Variants in GPC5 observed in about 807,000 individuals in gnomAD.
GPC5 encodes glypican-5.
Under a neutral mutation model 53.9 loss-of-function variants are expected in GPC5, and 47 were observed. That is an observed-to-expected ratio of 0.87 (90% CI 0.69 to 1.11). The LOEUF (loss-of-function observed/expected upper bound fraction) is 1.11, where lower values mean the gene tolerates loss of function less well. GPC5 is among the 50% of genes most tolerant of loss of function. GPC5 has a pLI of 0.00. For synonymous variants in GPC5, 286 were observed against 263.3 expected, an observed-to-expected ratio of 1.09 and a Z score of -0.84; for missense variants, 748 against 713.1, an observed-to-expected ratio of 1.05 and a Z score of -0.56.
intron 7 of GPC5, among the ~76,000 whole-genome samples, chr13:92,409,863 T>A (rs1875965303): frequency 1.3e-5 from 2 of 152,296 alleles, no homozygotes; most frequent in Non-Finnish European, 1.5e-5. Flanking sequence ...GCCACAGAGC[T>A]TTAAATACTG....
At chr13:92,487,138 C>T (rs1041483645) in intron 7 of GPC5, among the ~76,000 whole-genome samples, 1 of 152,014 alleles carries the variant, frequency 6.6e-6, no homozygotes, top group South Asian at 2.1e-4. Flanking sequence ...TTACAGGGGC[C>T]GTGCCCAGCC....
chr13:91,607,809 A>C (rs991743717), intron 2 of GPC5, among the ~76,000 whole-genome samples: 4 of 152,216 alleles, frequency 2.6e-5, no homozygotes, highest in Admixed American at 6.5e-5. Flanking sequence ...TACTAAAAGC[A>C]TGTAATAAAT....
At chr13:92,304,980 G>C (rs578138798) in intron 7 of GPC5, among the ~76,000 whole-genome samples, 1 of 152,088 alleles carries the variant, frequency 6.6e-6, no homozygotes, top group Non-Finnish European at 1.5e-5. Context: ...AGATGAGATC[G>C]GGTGCGTTCA....
chr13:91,711,566 C>T (rs933080025), intron 3 of GPC5, among the ~76,000 whole-genome samples: 8 of 152,126 alleles, frequency 5.3e-5, no homozygotes, highest in Non-Finnish European at 1.2e-4. Flanking sequence ...ATCAAACCTG[C>T]ACGTTGTGCA....
At chr13:92,553,476 A>G (rs1287059725) in intron 7 of GPC5, among the ~76,000 whole-genome samples, 3 of 152,004 alleles carry the variant, frequency 2.0e-5, no homozygotes, top group African/African-American at 7.2e-5. Context: ...TGTAGACATT[A>G]TGATACAAAT....
intron 7 of GPC5, among the ~76,000 whole-genome samples, chr13:92,217,123 C>T (rs1027942673): frequency 1.3e-5 from 2 of 152,128 alleles, no homozygotes; most frequent in African/African-American, 4.8e-5. Context: ...TGGCTTGTGC[C>T]TCAGGGTATG....
chr13:91,696,753 C>T (rs1184589213), intron 3 of GPC5, among the ~76,000 whole-genome samples: 3 of 151,964 alleles, frequency 2.0e-5, no homozygotes, highest in African/African-American at 7.3e-5. Flanking sequence ...TCATAAGTAC[C>T]TTATATTTGG....
chr13:91,618,673 C>T (rs1004924452), intron 2 of GPC5, among the ~76,000 whole-genome samples: 1 of 151,628 alleles, frequency 6.6e-6, no homozygotes, highest in South Asian at 2.1e-4. Flanking sequence ...TTTATCAGCT[C>T]ACAGTATTTT....
At chr13:92,838,196 C>A (rs1282056206) in intron 7 of GPC5, among the ~76,000 whole-genome samples, 1 of 151,478 alleles carries the variant, frequency 6.6e-6, no homozygotes, top group Non-Finnish European at 1.5e-5. Flanking sequence ...TGAAAGTAAA[C>A]CTACTCGGCC....
At chr13:91,922,061 A>T (rs1449328786) in intron 6 of GPC5, among the ~76,000 whole-genome samples, 2 of 152,100 alleles carry the variant, frequency 1.3e-5, no homozygotes, top group Non-Finnish European at 2.9e-5. Flanking sequence ...AAAACAGAAA[A>T]TCAATAAGCA....
intron 6 of GPC5, among the ~76,000 whole-genome samples, chr13:92,051,695 A>T (rs1336641969): frequency 6.6e-6 from 1 of 152,216 alleles, no homozygotes; most frequent in East Asian, 1.9e-4. Context: ...TTAGAGTGGA[A>T]ATCTACTTCA....
At position 91,945,721 on chromosome 13, in the gene GPC5, G is replaced by A. The variant is rs557409950; in HGVS notation, c.1401+37664G>A. 3.6e-4 allele frequency among the ~76,000 whole-genome samples: 55 copies of A among 152,128 alleles called. 1 individual carries two copies. Among genetic ancestry groups the A allele is most frequent in the African/African-American group, 1.2e-3 (51 of 41,504 alleles). ...GTGACAGACTGTTGCCTCATTTGGGGGACATTATGGAGCCACTGCTGTTCT... is the reference window on the plus strand; with the variant it reads ...GTGACAGACTGTTGCCTCATTTGGGAGACATTATGGAGCCACTGCTGTTCT... On this transcript the variant is annotated intron_variant, in intron 6 of 7. Transcript: ENST00000377067.
intron 7 of GPC5, among the ~76,000 whole-genome samples, chr13:92,672,885 G>A (rs1886797877): frequency 6.6e-6 from 1 of 152,162 alleles, no homozygotes; most frequent in Non-Finnish European, 1.5e-5. Context: ...GACTTTCAGA[G>A]AGTAGAGGCA....
chr13:91,900,491 C>T lies in GPC5; in HGVS notation c.1281-7446C>T, dbSNP rs753895711. ...GCAAGTTAGTATAACATTTCAAACTCGTATAGCATTATTGGTAATTGATTA... is the reference window on the plus strand; with the variant it reads ...GCAAGTTAGTATAACATTTCAAACTTGTATAGCATTATTGGTAATTGATTA... On this transcript the variant is annotated intron_variant, in intron 5 of 7. Coordinates refer to ENST00000377067, the MANE Select transcript of GPC5 (RefSeq NM_004466.6). Among the ~76,000 whole-genome samples the T allele has an allele frequency of 2.6e-5, 4 of 152,012 alleles. No homozygotes were observed. The South Asian group carries it at 6.2e-4, about 24-fold the overall frequency.
At chr13:92,161,678 T>A (rs1290765735) in intron 7 of GPC5, among the ~76,000 whole-genome samples, 2 of 151,946 alleles carry the variant, frequency 1.3e-5, no homozygotes, top group African/African-American at 4.8e-5. Context: ...TTGCATTAGT[T>A]TAATGTGTAA....
At chr13:92,287,035 C>T (rs1005708451) in intron 7 of GPC5, among the ~76,000 whole-genome samples, 4 of 152,168 alleles carry the variant, frequency 2.6e-5, no homozygotes, top group Non-Finnish European at 5.9e-5. Flanking sequence ...GGACTTGTAG[C>T]CTCCAGATCT....
intron 7 of GPC5, among the ~76,000 whole-genome samples, chr13:92,773,253 C>A (rs1159630686): frequency 3.3e-5 from 5 of 152,198 alleles, no homozygotes; most frequent in Non-Finnish European, 7.3e-5. Context: ...CCTATATCCA[C>A]TTCCATCTCA....
chr13:92,120,393 G>A (rs2041639103), intron 6 of GPC5, among the ~76,000 whole-genome samples: 1 of 152,074 alleles, frequency 6.6e-6, no homozygotes, highest in African/African-American at 2.4e-5. Flanking sequence ...GGGTAGCTGG[G>A]ACTACAGGTG....
At chr13:92,584,182 C>T (rs192253936) in intron 7 of GPC5, among the ~76,000 whole-genome samples, 5 of 152,162 alleles carry the variant, frequency 3.3e-5, no homozygotes, top group Admixed American at 2.6e-4. Context: ...GGGGTTGGAA[C>T]AGTTTGGAGA....
Sources: allele counts gnomAD v4.1 joint callset (sites outside exome capture counted in the v4.1 genomes callset), GRCh38; gene constraint gnomAD v4.1.1; transcripts MANE v1.5; gene names NCBI Gene and HGNC (gene_info 2026-07-23, HGNC 2026-07-21).